Variants in HDLBP observed in about 807,000 individuals in gnomAD.
HDLBP encodes high density lipoprotein binding protein, also known as vigilin.
HDLBP carries 30 observed loss-of-function variants against 137.3 expected under a neutral mutation model. The observed-to-expected ratio is 0.22, with a 90% CI of 0.16 to 0.30. The LOEUF (loss-of-function observed/expected upper bound fraction) is 0.30. Ranked by LOEUF, HDLBP falls within the 10% of genes least tolerant of loss-of-function variation. The probability of loss-of-function intolerance (pLI) is 1.00; values close to 1 mark genes in which losing one functional copy is unlikely to be tolerated. For missense variants in HDLBP, 1,119 were observed against 1,667.3 expected, an observed-to-expected ratio of 0.67 and a Z score of 5.73; for synonymous variants, 606 against 596.0, an observed-to-expected ratio of 1.02 and a Z score of -0.24.
At chr2:241,306,402 G>A (rs983038117) in intron 1 of HDLBP, among the ~76,000 whole-genome samples, 33 of 151,914 alleles carry the variant, frequency 2.2e-4, no homozygotes, top group Non-Finnish European at 2.2e-4. Context: ...TGGGATTACA[G>A]GCATGAGCCA....
Position 241,230,176 on chromosome 2 carries a change from T to G in HDLBP, c.3568A>C (p.Ile1190Leu). The change falls in exon 26 of 28, where the codon ATC (isoleucine) becomes CTC (leucine). Residue 1190 changes from isoleucine to leucine, a missense_variant. Physicochemically the swap from Ile to Leu is conservative, Grantham distance 5. This residue lies in a region of HDLBP where 618 missense variants were observed against 816.7 expected (regional missense o/e 0.76). Coordinates refer to ENST00000310931, the MANE Select transcript of HDLBP (RefSeq NM_005336.6). This position sits in a 1 kb window ranked among gnomAD's most constrained non-coding sequence, Gnocchi z 5.0. ...ACGTATTCCTCCTCCAGATTGAGGA[T>G]GTGGTCGATGGCTTCCTCCACATTC... ...PENVEEAIDH[I>L]LNLEEEYLAD... The G allele has an allele frequency of 6.2e-7, 1 of 1,613,508 alleles. No homozygotes were observed. Among genetic ancestry groups the G allele is most frequent in the Non-Finnish European group, 8.5e-7 (1 of 1,179,592 alleles).
intron 1 of HDLBP, among the ~76,000 whole-genome samples, chr2:241,309,151 G>C (rs1266522318): frequency 1.3e-5 from 2 of 152,106 alleles, no homozygotes; most frequent in African/African-American, 4.8e-5. Flanking sequence ...ATGCCAAACT[G>C]CCACTGTGTC....
At chr2:241,293,377 C>T (rs879344914) in intron 1 of HDLBP, among the ~76,000 whole-genome samples, 2 of 152,126 alleles carry the variant, frequency 1.3e-5, no homozygotes, top group Non-Finnish European at 2.9e-5. Context: ...CACCTGTAGT[C>T]CCAGCTACTG....
At position 241,315,621 on chromosome 2, in the gene HDLBP, T is replaced by A. The variant is rs981826893; in HGVS notation, c.-154A>T. On this transcript the variant is annotated 5_prime_UTR_variant, in exon 1 of 28. Coordinates refer to ENST00000310931, the MANE Select transcript of HDLBP (RefSeq NM_005336.6). Reference sequence around the variant, plus strand: ...AACCGAGCTCATAAGGTAGGAACTGTGGCGAAACAGGGACAAGCCGCCATC... The same window carrying A: ...AACCGAGCTCATAAGGTAGGAACTGAGGCGAAACAGGGACAAGCCGCCATC... 2 of 152,248 alleles carry A rather than the reference T, an allele frequency of 1.3e-5. No homozygotes were observed. Among genetic ancestry groups the A allele is most frequent in the Non-Finnish European group, 2.9e-5 (2 of 68,164 alleles). The allele number at this position is 152,248 out of a possible 1,614,324, so 9.4% of individuals were successfully genotyped here. A position where few individuals can be genotyped will look rare whatever the true frequency, so the allele number is the denominator to read the frequency against.
At chr2:241,244,388 TAC>T (rs1036758794) in intron 16 of HDLBP, among the ~76,000 whole-genome samples, 4 of 152,126 alleles carry the variant, frequency 2.6e-5, no homozygotes, top group African/African-American at 9.7e-5. Flanking sequence ...TGAAGAAAAC[TAC>T]ACAGAGACAC....
chr2:241,251,154 T>G (rs1341847363), intron 11 of HDLBP, among the ~76,000 whole-genome samples: 3 of 152,098 alleles, frequency 2.0e-5, no homozygotes. Context: ...GACAGGGGTC[T>G]CACTATGTTG....
chr2:241,271,464 C>T (rs1193637473), intron 1 of HDLBP, among the ~76,000 whole-genome samples: 3 of 152,134 alleles, frequency 2.0e-5, no homozygotes, highest in African/African-American at 4.8e-5. Flanking sequence ...GCGTGGGAAA[C>T]CTGGTGCTTA....
chr2:241,236,638 C>T lies in HDLBP; in HGVS notation c.2881G>A (p.Glu961Lys). The T allele has an allele frequency of 1.9e-6, 3 of 1,614,142 alleles. No individual in the cohort carries two copies. Among genetic ancestry groups the T allele is most frequent in the East Asian group, 2.2e-5 (1 of 44,872 alleles). ...ACCTCCAGAGCTTCCTTGGCAGCCT[C>T]ACACTTTTCTTTCCGGCCAGAGATG... ...IIISGRKEKC[E>K]AAKEALEALV... The change falls in exon 21 of 28, where the codon GAG (glutamate) becomes AAG (lysine). Residue 961 changes from glutamate to lysine, a missense_variant. Coordinates refer to ENST00000310931, the MANE Select transcript of HDLBP (RefSeq NM_005336.6).
intron 1 of HDLBP, among the ~76,000 whole-genome samples, chr2:241,300,210 C>T (rs915251881): frequency 2.0e-5 from 3 of 152,112 alleles, no homozygotes; most frequent in Non-Finnish European, 4.4e-5. Context: ...ACTCCCCCCA[C>T]CCCGCCCAGT....
chr2:241,284,850 T>C (rs1228365606), intron 1 of HDLBP, among the ~76,000 whole-genome samples: 2 of 152,218 alleles, frequency 1.3e-5, no homozygotes, highest in Admixed American at 6.5e-5. Flanking sequence ...GAAGGCTCAA[T>C]GATCATGAGC....
Position 241,272,896 on chromosome 2 carries a change from A to T in HDLBP, c.-102-4355T>A. 1.9e-6 allele frequency: 1 copy of T among 520,076 alleles called. No homozygotes were observed. The highest frequency in any genetic ancestry group is 2.5e-6 in the Non-Finnish European group (1 of 405,822). 32.2% of individuals were successfully genotyped at this position (520,076 alleles called of 1,614,324 possible). A position where few individuals can be genotyped will look rare whatever the true frequency, so the allele number is the denominator to read the frequency against. On this transcript the variant is annotated intron_variant, in intron 1 of 27. Transcript: ENST00000310931. The surrounding 1 kb of genome is among the most constrained non-coding windows in gnomAD (Gnocchi z 5.6). ...CGGCCCAATCCCGCCTGGACACGTC[A>T]GCGCCCGCCCGCCCCGCCGCTGGGG...
At chr2:241,263,314 G>A (rs780750590) in intron 4 of HDLBP, among the ~76,000 whole-genome samples, 17 of 152,246 alleles carry the variant, frequency 1.1e-4, no homozygotes, top group Non-Finnish European at 1.9e-4. Flanking sequence ...GCAGGAAAGC[G>A]GAGGAGGTGG....
intron 1 of HDLBP, among the ~76,000 whole-genome samples, chr2:241,298,101 C>G (rs1036844545): frequency 7.8e-6 from 1 of 128,342 alleles, no homozygotes; most frequent in East Asian, 2.7e-4. Flanking sequence ...CATGGTGGCT[C>G]ATGCCTGTAA....
rs552901993 is a variant in HDLBP, at chr2:241,278,211, G to A, written c.-102-9670C>T. On this transcript the variant is annotated intron_variant, in intron 1 of 27. Transcript: ENST00000310931. The stretch of plus-strand genomic sequence containing the variant: ...GAAGTTTAATCCAGTAATGTGGGGG[G>A]GTACAATATTAGAAAAACAGAGTAA... Among the ~76,000 whole-genome samples, 3 of 152,162 alleles carry A rather than the reference G, an allele frequency of 2.0e-5. No homozygotes were observed. The East Asian group carries it at 5.8e-4, about 29-fold the overall frequency.
intron 3 of HDLBP, 41 bp downstream of exon 3, chr2:241,266,753 C>T: frequency 8.0e-7 from 1 of 1,250,448 alleles, no homozygotes; most frequent in Non-Finnish European, 1.2e-6. Flanking sequence ...GGGAGCAATG[C>T]CTTAGACATT....
intron 1 of HDLBP, among the ~76,000 whole-genome samples, chr2:241,306,421 G>A (rs577463749): frequency 9.9e-5 from 15 of 151,952 alleles, no homozygotes; most frequent in South Asian, 2.1e-4. Context: ...CACCACGCCC[G>A]GCTAGTTTTG....
chr2:241,273,871 AACACTG>A (rs963426786), intron 1 of HDLBP, among the ~76,000 whole-genome samples: 7 of 149,364 alleles, frequency 4.7e-5, no homozygotes, highest in Non-Finnish European at 1.0e-4. Context: ...TTTTTCGTGG[AACACTG>A]ACACTAAGTG....
rs755621726 is a variant in HDLBP, at chr2:241,256,363, C to A, written c.694G>T (p.Ala232Ser). ...GGCCCAGCGATGAAGGGGTGGAATGCCTTTTCTACTTCTAGCCTCTCCACA... is the reference window on the plus strand; with the variant it reads ...GGCCCAGCGATGAAGGGGTGGAATGACTTTTCTACTTCTAGCCTCTCCACA... Reference protein sequence around the residue: ...RAVERLEVEKAFHPFIAGPYN... With the variant: ...RAVERLEVEKSFHPFIAGPYN... Residue 232 changes from alanine to serine, a missense_variant, in exon 7 of 28, where the codon GCA becomes TCA. By Grantham distance (99) the Ala-to-Ser change is moderately conservative (BLOSUM62 1). Around this residue, in one of 4 missense-constraint regions of HDLBP, gnomAD observed 425 missense variants for 693.9 expected, o/e 0.61. Coordinates refer to ENST00000310931, the MANE Select transcript of HDLBP (RefSeq NM_005336.6). The A allele has an allele frequency of 1.2e-6, 2 of 1,613,126 alleles. No individual in the cohort carries two copies. Among genetic ancestry groups the A allele is most frequent in the Admixed American group, 3.3e-5 (2 of 59,992 alleles).
chr2:241,271,100 T>A, intron 1 of HDLBP: 1 of 985,408 alleles, frequency 1.0e-6, no homozygotes, highest in Non-Finnish European at 1.2e-6. Context: ...GGAGAACAAG[T>A]CCGCTCTCCT....
Sources: allele counts gnomAD v4.1 joint callset (sites outside exome capture counted in the v4.1 genomes callset), GRCh38; gene constraint gnomAD v4.1.1; regional missense constraint gnomAD v4.1.1; non-coding constraint Gnocchi (gnomAD v3.1); transcripts MANE v1.5; gene names NCBI Gene and HGNC (gene_info 2026-07-23, HGNC 2026-07-21).